Variants in FSTL5 observed in about 807,000 individuals in gnomAD.
FSTL5 encodes the protein follistatin-related protein 5.
A neutral mutation model predicts 89.1 loss-of-function variants in FSTL5; 62 were observed. The observed-to-expected ratio is 0.70, with a 90% confidence interval of 0.57 to 0.86. The LOEUF (loss-of-function observed/expected upper bound fraction) is 0.86. Among genes scored for constraint, FSTL5 ranks in the 40% least tolerant of loss-of-function variants. The probability of loss-of-function intolerance (pLI) is 0.00; values close to 1 mark genes in which losing one functional copy is unlikely to be tolerated. For synonymous variants in FSTL5, 383 were observed against 346.2 expected (o/e 1.11, Z -1.18); for missense variants, 1,057 against 1,001.6 (o/e 1.06, Z -0.75).
intron 6 of FSTL5, among the ~76,000 whole-genome samples, chr4:161,711,041 G>A (rs1484423098): frequency 1.3e-5 from 2 of 152,122 alleles, no homozygotes; most frequent in Non-Finnish European, 2.9e-5. Flanking sequence ...TAGGTAAGCA[G>A]TGCTTAGAGA....
At chr4:161,481,353 A>G (rs1729500873) in intron 12 of FSTL5, among the ~76,000 whole-genome samples, 184 bp from the exon 13 acceptor site, 1 of 152,162 alleles carries the variant, frequency 6.6e-6, no homozygotes, top group Non-Finnish European at 1.5e-5. Context: ...AAAGCAATGT[A>G]AATGAGATTC....
chr4:161,732,977 T>C (rs1739668984), intron 6 of FSTL5, among the ~76,000 whole-genome samples: 1 of 151,920 alleles, frequency 6.6e-6, no homozygotes, highest in South Asian at 2.1e-4. Flanking sequence ...TATATACTCT[T>C]TATTTCCATG....
intron 3 of FSTL5, among the ~76,000 whole-genome samples, chr4:161,940,787 G>C (rs1261608692): frequency 6.6e-6 from 1 of 151,360 alleles, no homozygotes; most frequent in Non-Finnish European, 1.5e-5. Flanking sequence ...AGAAATGAAA[G>C]GACTCTAGAC....
chr4:161,632,765 C>T (rs1735545088), intron 7 of FSTL5, among the ~76,000 whole-genome samples: 1 of 151,972 alleles, frequency 6.6e-6, no homozygotes, highest in Non-Finnish European at 1.5e-5. Flanking sequence ...AATTTGCTTA[C>T]AAGTTGATTT....
At chr4:161,880,500 A>C (rs1452019952) in intron 4 of FSTL5, among the ~76,000 whole-genome samples, 2 of 152,058 alleles carry the variant, frequency 1.3e-5, no homozygotes, top group Admixed American at 1.3e-4. Flanking sequence ...TAAACTTACT[A>C]TGACCTTAAC....
At chr4:161,422,818 C>T (rs1348997110) in intron 15 of FSTL5, among the ~76,000 whole-genome samples, 1 of 151,192 alleles carries the variant, frequency 6.6e-6, no homozygotes, top group East Asian at 1.9e-4. Flanking sequence ...CAAAAGAAGT[C>T]AGCGTTGCTT....
At chr4:162,035,096 A>T (rs1362066942) in intron 2 of FSTL5, 9 of 152,104 alleles carry the variant, frequency 5.9e-5, no homozygotes, top group Admixed American at 4.6e-4. Context: ...GTTAATGAGA[A>T]TCTCTCTCTC....
intron 8 of FSTL5, among the ~76,000 whole-genome samples, chr4:161,570,938 AC>A (rs1732985767): frequency 6.6e-6 from 1 of 151,844 alleles, no homozygotes; most frequent in Non-Finnish European, 1.5e-5. Context: ...ACATGGTGAA[AC>A]CCCGTCTCTA....
rs924794089 is a variant in FSTL5, at chr4:162,049,414, T to C, written c.127-15756A>G. 9.8e-5 allele frequency among the ~76,000 whole-genome samples: 15 copies of C among 152,302 alleles called. No individual in the cohort carries two copies. The South Asian group carries it at 1.7e-3, about 17-fold the overall frequency. ...ATTACATATACTTGCTCACGTATTC[T>C]TCCACCTACTCTATTTCAAAATAAC... On this transcript the variant is annotated intron_variant, in intron 2 of 15. Transcript: ENST00000306100.
intron 4 of FSTL5, among the ~76,000 whole-genome samples, chr4:161,887,482 A>G (rs1480322827): frequency 6.6e-6 from 1 of 150,998 alleles, no homozygotes; most frequent in African/African-American, 2.4e-5. Flanking sequence ...TTTTCTATCT[A>G]CTTCTATCAT....
chr4:161,482,459 T>G (rs1471638935), intron 12 of FSTL5, among the ~76,000 whole-genome samples: 3 of 152,244 alleles, frequency 2.0e-5, no homozygotes, highest in Non-Finnish European at 4.4e-5. Context: ...AGTTGTTATC[T>G]CTAAGCTAAT....
chr4:162,073,790 T>C (rs1729723619), intron 2 of FSTL5, among the ~76,000 whole-genome samples: 1 of 151,724 alleles, frequency 6.6e-6, no homozygotes, highest in African/African-American at 2.4e-5. Flanking sequence ...CTCTTCCTTT[T>C]CAGAAATGAG....
chr4:161,799,650 C>G (rs1414707458), intron 4 of FSTL5, among the ~76,000 whole-genome samples: 1 of 151,512 alleles, frequency 6.6e-6, no homozygotes, highest in Non-Finnish European at 1.5e-5. Context: ...ATAACAACAG[C>G]CAATTAAAAT....
At position 161,452,076 on chromosome 4, in the gene FSTL5, T is replaced by C. The variant is rs77929931; in HGVS notation, c.1841+2928A>G. 1.6e-3 allele frequency among the ~76,000 whole-genome samples: 244 copies of C among 152,362 alleles called. 2 individuals are homozygous for C. Among genetic ancestry groups the C allele is most frequent in the East Asian group, 7.3e-3 (38 of 5,188 alleles). ...CCCTCTGCCTGGCATGGAAAACTTC[T>C]ATTGAGCCCAACAGTTAGAATGTAG... On this transcript the variant is annotated intron_variant, in intron 15 of 15. Transcript: ENST00000306100.
chr4:162,081,954 C>CA (rs1458504038), intron 2 of FSTL5, among the ~76,000 whole-genome samples: 1 of 151,546 alleles, frequency 6.6e-6, no homozygotes, highest in Non-Finnish European at 1.5e-5. Flanking sequence ...ATGGATTCTT[C>CA]AAAAATGTCT....
intron 4 of FSTL5, among the ~76,000 whole-genome samples, chr4:161,828,769 C>T (rs1236723610): frequency 1.3e-5 from 2 of 151,952 alleles, no homozygotes; most frequent in South Asian, 4.2e-4. Context: ...TGTACTTTGT[C>T]TCTAAATTTA....
At chr4:162,125,496 C>T (rs1732044360) in intron 1 of FSTL5, among the ~76,000 whole-genome samples, 1 of 152,000 alleles carries the variant, frequency 6.6e-6, no homozygotes, top group Non-Finnish European at 1.5e-5. Flanking sequence ...GTGGGATTTA[C>T]CTGTATCTGT....
At chr4:162,101,049 T>A (rs1730977340) in intron 2 of FSTL5, among the ~76,000 whole-genome samples, 1 of 152,208 alleles carries the variant, frequency 6.6e-6, no homozygotes, top group Non-Finnish European at 1.5e-5. Flanking sequence ...ACACAGGTGA[T>A]AAACACACAA....
intron 4 of FSTL5, among the ~76,000 whole-genome samples, chr4:161,801,444 A>G (rs1349041216): frequency 6.6e-6 from 1 of 151,418 alleles, no homozygotes; most frequent in African/African-American, 2.4e-5. Context: ...TTTAAAGAAA[A>G]ACCTCCTTAG....
Sources: allele counts gnomAD v4.1 joint callset (sites outside exome capture counted in the v4.1 genomes callset), GRCh38; gene constraint gnomAD v4.1.1; transcripts MANE v1.5; gene names NCBI Gene and HGNC (gene_info 2026-07-23, HGNC 2026-07-21).